CAMTA1: variants seen among roughly 807,000 people sequenced by gnomAD.
CAMTA1 encodes the protein calmodulin-binding transcription activator 1.
CAMTA1 carries 27 observed loss-of-function variants against 170.9 expected under a neutral mutation model. That is an observed-to-expected ratio of 0.16 (90% CI 0.12 to 0.22). The LOEUF (loss-of-function observed/expected upper bound fraction) is 0.22. Ranked by LOEUF, CAMTA1 falls within the 10% of genes least tolerant of loss-of-function variation. CAMTA1 has a pLI of 1.00. For missense variants in CAMTA1, 1,619 were observed against 2,217.2 expected (o/e 0.73, Z 5.42); for synonymous variants, 833 against 891.5 (o/e 0.93, Z 1.17).
At position 7,063,603 on chromosome 1, in the gene CAMTA1, T is replaced by G. The variant is rs534264763; in HGVS notation, c.235-27701T>G. Among the ~76,000 whole-genome samples, 3 of 152,338 alleles carry G rather than the reference T, an allele frequency of 2.0e-5. No individual in the cohort carries two copies. In the East Asian group the frequency reaches 5.8e-4, roughly 29 times the overall value. The stretch of plus-strand genomic sequence containing the variant: ...AGCCTCCCCTGCTCTGCCCTCTGCT[T>G]TTGGTCTTAAAGCTATTTTAGATCT... On this transcript the variant is annotated intron_variant, in intron 3 of 22. Transcript: ENST00000303635. This position sits in a 1 kb window ranked among gnomAD's most constrained non-coding sequence, Gnocchi z 4.3.
At chr1:7,705,935 T>C (rs1247024450) in intron 11 of CAMTA1, among the ~76,000 whole-genome samples, 1 of 152,152 alleles carries the variant, frequency 6.6e-6, no homozygotes, top group Non-Finnish European at 1.5e-5. Flanking sequence ...CCTTTTGCAT[T>C]TTCGGAGCTC....
In CAMTA1 at chr1:7,748,655, T is replaced by C. The variant is rs934752461; in HGVS notation, c.4689+874T>C. On this transcript the variant is annotated intron_variant, in intron 19 of 22. Transcript: ENST00000303635. The surrounding 1 kb of genome is among the most constrained non-coding windows in gnomAD (Gnocchi z 4.7). Reference sequence around the variant, plus strand: ...ATTTATTACCTTTGAGTTTGAATTATATAAGGTATTTAATCTTTGGCCATT... The same window carrying C: ...ATTTATTACCTTTGAGTTTGAATTACATAAGGTATTTAATCTTTGGCCATT... Among the ~76,000 whole-genome samples the C allele has an allele frequency of 1.3e-5, 2 of 152,246 alleles. No homozygotes were observed. The highest frequency in any genetic ancestry group is 6.5e-5 in the Admixed American group (1 of 15,284).
chr1:7,379,292 T>A (rs570346922), intron 5 of CAMTA1, among the ~76,000 whole-genome samples: 1 of 152,374 alleles, frequency 6.6e-6, no homozygotes, highest in South Asian at 2.1e-4. Context: ...TTCAAAGAGA[T>A]GTCGCAGGAG....
At chr1:7,475,340 G>A (rs528203542) in intron 6 of CAMTA1, among the ~76,000 whole-genome samples, 23 of 151,862 alleles carry the variant, frequency 1.5e-4, no homozygotes, top group Non-Finnish European at 2.8e-4. Context: ...GAGGCTTGGC[G>A]GGGGGGATTA....
intron 4 of CAMTA1, among the ~76,000 whole-genome samples, chr1:7,105,499 C>T (rs556915104): frequency 3.9e-5 from 6 of 152,322 alleles, no homozygotes; most frequent in Middle Eastern, 3.4e-3. Context: ...GGCGGATCTG[C>T]GGCCTTTTCC....
chr1:6,982,443 C>T (rs950789719), intron 3 of CAMTA1, among the ~76,000 whole-genome samples: 1 of 152,224 alleles, frequency 6.6e-6, no homozygotes, highest in Non-Finnish European at 1.5e-5. Context: ...AGAGGCACCT[C>T]TCATTGCCTG....
At chr1:6,961,124 T>A (rs1008552555) in intron 3 of CAMTA1, among the ~76,000 whole-genome samples, 47 of 152,356 alleles carry the variant, frequency 3.1e-4, no homozygotes, top group Admixed American at 1.3e-3. Flanking sequence ...CTCATTTCAC[T>A]CTTCTTTTCC....
chr1:7,620,394 A>G (rs965530572), intron 6 of CAMTA1, among the ~76,000 whole-genome samples: 3 of 152,170 alleles, frequency 2.0e-5, no homozygotes, highest in Non-Finnish European at 2.9e-5. Context: ...TTCATCCAGG[A>G]TACTCCCATG....
rs1218529732 is a variant in CAMTA1, at chr1:6,965,594, GA to G, written c.235-125702del. On this transcript the variant is annotated intron_variant, in intron 3 of 22. Coordinates refer to ENST00000303635, the MANE Select transcript of CAMTA1 (RefSeq NM_015215.4). This position sits in a 1 kb window ranked among gnomAD's most constrained non-coding sequence, Gnocchi z 4.1. ...ATTGTGTGCCCTGGTTTCTCTAAAG[GA>G]AAAAAAATGGACGTGCCGCCTGTTA... Among the ~76,000 whole-genome samples, 2 of 151,602 alleles carry G rather than the reference GA, an allele frequency of 1.3e-5. No homozygotes were observed. The highest frequency in any genetic ancestry group is 2.9e-5 in the Non-Finnish European group (2 of 67,884).
At chr1:6,841,816 A>G (rs1347258663) in intron 3 of CAMTA1, among the ~76,000 whole-genome samples, 1 of 152,168 alleles carries the variant, frequency 6.6e-6, no homozygotes, top group Non-Finnish European at 1.5e-5. Flanking sequence ...TCACAGGGTT[A>G]TTTTTAATAG....
intron 5 of CAMTA1, among the ~76,000 whole-genome samples, chr1:7,411,770 T>G (rs1331924666): frequency 6.6e-6 from 1 of 152,022 alleles, no homozygotes; most frequent in Non-Finnish European, 1.5e-5. Flanking sequence ...ATTTTATTAT[T>G]ATTATACTTT....
At chr1:7,720,941 C>T (rs1396005440) in intron 11 of CAMTA1, among the ~76,000 whole-genome samples, 1 of 152,162 alleles carries the variant, frequency 6.6e-6, no homozygotes, top group East Asian at 1.9e-4. Flanking sequence ...TAAAGCTGCT[C>T]ACTGGTATAT....
chr1:7,330,364 G>A (rs531547959), intron 5 of CAMTA1, among the ~76,000 whole-genome samples: 3 of 152,282 alleles, frequency 2.0e-5, no homozygotes, highest in East Asian at 3.9e-4. Context: ...GAGGCCTGAC[G>A]GTGCAGCTGC....
chr1:7,502,555 C>A (rs890382594), intron 6 of CAMTA1, among the ~76,000 whole-genome samples: 2 of 152,168 alleles, frequency 1.3e-5, no homozygotes, highest in Admixed American at 1.3e-4. Flanking sequence ...GGACTCCCTC[C>A]ACATCTGGAA....
Position 7,664,723 on chromosome 1 carries a change from G to T in CAMTA1, c.2176G>T (p.Val726Leu). The part of the protein sequence containing the change: ...EHYLQPETNG[V>L]IRSAGGVPIL... ...CTACCTGCAGCCGGAGACCAACGGG[G>T]TAATCCGAAGCGCCGGCGGCGTCCC... The change falls in exon 9 of 23, where the codon GTA becomes TTA. Residue 726 changes from valine (V) to leucine (L), a missense_variant. Val to Leu is a conservative substitution (Grantham distance 32). Around this residue, in one of 8 missense-constraint regions of CAMTA1, gnomAD observed 731 missense variants for 907.6 expected, o/e 0.81. Transcript: ENST00000303635. 1 of 1,608,914 alleles carries T rather than the reference G, an allele frequency of 6.2e-7. No homozygotes were observed. The highest frequency in any genetic ancestry group is 8.5e-7 in the Non-Finnish European group (1 of 1,176,710).
At chr1:6,860,252 C>T (rs1024216205) in intron 3 of CAMTA1, among the ~76,000 whole-genome samples, 1 of 152,166 alleles carries the variant, frequency 6.6e-6, no homozygotes, top group Admixed American at 6.5e-5. Flanking sequence ...CTTTCCCACA[C>T]CAGTAATTAA....
chr1:7,350,658 T>TTGAA (rs2084598487), intron 5 of CAMTA1, among the ~76,000 whole-genome samples: 1 of 152,224 alleles, frequency 6.6e-6, no homozygotes, highest in Non-Finnish European at 1.5e-5. Context: ...TGCCAGGACT[T>TTGAA]CTAACTTCAT....
intron 11 of CAMTA1, among the ~76,000 whole-genome samples, chr1:7,683,720 G>A (rs2096233319): frequency 6.6e-6 from 1 of 152,206 alleles, no homozygotes; most frequent in Non-Finnish European, 1.5e-5. Flanking sequence ...TCCTCTCCGA[G>A]CCCAGCCAGT....
chr1:7,127,948 G>A (rs61779978), intron 4 of CAMTA1, among the ~76,000 whole-genome samples: 5 of 152,276 alleles, frequency 3.3e-5, no homozygotes, highest in African/African-American at 9.6e-5. Flanking sequence ...GGATTAGAGC[G>A]GCTCACAGTG....
Sources: allele counts gnomAD v4.1 joint callset (sites outside exome capture counted in the v4.1 genomes callset), GRCh38; gene constraint gnomAD v4.1.1; regional missense constraint gnomAD v4.1.1; non-coding constraint Gnocchi (gnomAD v3.1); transcripts MANE v1.5; gene names NCBI Gene and HGNC (gene_info 2026-07-23, HGNC 2026-07-21).